Variants in RALYL observed in about 807,000 individuals in gnomAD.
The protein encoded by RALYL is RNA-binding Raly-like protein.
In RALYL, 29 loss-of-function variants were observed where a neutral mutation model predicts 35.1. The observed-to-expected ratio is 0.83, with a 90% CI of 0.61 to 1.13. The LOEUF is 1.13. RALYL is among the 50% of genes most tolerant of loss of function. RALYL has a pLI of 0.00. For missense variants in RALYL, 359 were observed against 360.4 expected (o/e 1.00, Z 0.03); for synonymous variants, 120 against 127.6 (o/e 0.94, Z 0.40).
chr8:84,838,665 C>G (rs1212300003), intron 4 of RALYL, among the ~76,000 whole-genome samples: 1 of 152,150 alleles, frequency 6.6e-6, no homozygotes, highest in Non-Finnish European at 1.5e-5. Flanking sequence ...ATAACTGGTT[C>G]TTGTAAATAC....
At chr8:84,574,116 G>T (rs1333403922) in intron 2 of RALYL, among the ~76,000 whole-genome samples, 1 of 151,936 alleles carries the variant, frequency 6.6e-6, no homozygotes, top group Non-Finnish European at 1.5e-5. Context: ...AATCTGACAA[G>T]CAACTAAAGT....
intron 2 of RALYL, among the ~76,000 whole-genome samples, chr8:84,566,219 A>C (rs1451390686): frequency 4.6e-5 from 7 of 151,690 alleles, no homozygotes; most frequent in Non-Finnish European, 7.4e-5. Flanking sequence ...TTTTAAGAGA[A>C]AATCTACAAA....
At chr8:84,327,001 G>T (rs1345148825) in intron 1 of RALYL, among the ~76,000 whole-genome samples, 2 of 152,196 alleles carry the variant, frequency 1.3e-5, no homozygotes, top group Non-Finnish European at 2.9e-5. Context: ...ATATTCATGA[G>T]ATTTCTGTGG....
At chr8:84,501,429 G>A (rs971386076) in intron 1 of RALYL, among the ~76,000 whole-genome samples, 3 of 151,946 alleles carry the variant, frequency 2.0e-5, no homozygotes, top group East Asian at 3.9e-4. Context: ...TTAATAAATA[G>A]CCAGTGTAAT....
At chr8:84,884,211 C>T (rs1030521345) in intron 7 of RALYL, among the ~76,000 whole-genome samples, 8 of 151,974 alleles carry the variant, frequency 5.3e-5, no homozygotes, top group African/African-American at 1.9e-4. Context: ...GGCAATAGCT[C>T]AACTTTCCAG....
At chr8:84,747,958 A>C (rs1563509967) in intron 2 of RALYL, among the ~76,000 whole-genome samples, 1 of 151,966 alleles carries the variant, frequency 6.6e-6, no homozygotes, top group Non-Finnish European at 1.5e-5. Context: ...TGCTTGTTCA[A>C]AAACAGAAGC....
chr8:84,774,782 T>C (rs1816436550), intron 3 of RALYL, 128 bp downstream of exon 3: 2 of 659,330 alleles, frequency 3.0e-6, no homozygotes, highest in Middle Eastern at 2.5e-4. Flanking sequence ...GTACAACAAA[T>C]GTTGTTGGTC....
chr8:84,893,872 CA>C (rs1844294040), intron 8 of RALYL, among the ~76,000 whole-genome samples: 1 of 152,188 alleles, frequency 6.6e-6, no homozygotes, highest in Non-Finnish European at 1.5e-5. Flanking sequence ...TCAAATCAGG[CA>C]AATCTAGCAA....
chr8:84,513,412 C>T (rs1319460248), intron 1 of RALYL, among the ~76,000 whole-genome samples: 1 of 151,466 alleles, frequency 6.6e-6, no homozygotes, highest in African/African-American at 2.4e-5. Flanking sequence ...GATTCTTGTT[C>T]TTATTTTTTT....
chr8:84,801,719 A>ATGAAG (rs1373326984), intron 3 of RALYL, among the ~76,000 whole-genome samples: 6 of 152,210 alleles, frequency 3.9e-5, no homozygotes, highest in Non-Finnish European at 7.4e-5. Context: ...TTTTTCTGGA[A>ATGAAG]TGAAGTGTTT....
At position 84,632,583 on chromosome 8, in the gene RALYL, C is replaced by CTGTGTGTG. The variant is rs112708469; in HGVS notation, c.256+103030_256+103037dup. Among the ~76,000 whole-genome samples the CTGTGTGTG allele has an allele frequency of 9.2e-4, 133 of 145,172 alleles. No individual in the cohort carries two copies. In the South Asian group the frequency reaches 0.015, roughly 17 times the overall value. On this transcript the variant is annotated intron_variant, in intron 2 of 8. Transcript: ENST00000521268. ...TATTTGGTTGTGACTTTATATAGAC[C>CTGTGTGTG]TGTGTGTGTGTGTGTGTGTGTGTGT... is the stretch of plus-strand genomic sequence containing the variant.
In RALYL at chr8:84,786,817, G is replaced by A. The variant is rs190000603; in HGVS notation, c.332+12163G>A. ...TGATAATAGTTGCTTTTGCTGTGCA[G>A]AAAATCTTTAGTTTTATGAGAACCC... On this transcript the variant is annotated intron_variant, in intron 3 of 8. Transcript: ENST00000521268. Among the ~76,000 whole-genome samples, 976 of 152,204 alleles carry A rather than the reference G, an allele frequency of 6.4e-3. 6 individuals are homozygous for A. Among genetic ancestry groups the A allele is most frequent in the Admixed American group, 0.014 (216 of 15,274 alleles).
At chr8:84,277,387 A>G (rs1213469383) in intron 1 of RALYL, among the ~76,000 whole-genome samples, 2 of 152,140 alleles carry the variant, frequency 1.3e-5, no homozygotes, top group African/African-American at 4.8e-5. Context: ...TGCTTCACAC[A>G]TGGGGCTTAT....
Position 84,529,454 on chromosome 8 carries a change from T to C in RALYL, c.133T>C (p.Tyr45His). 6.2e-7 allele frequency: 1 copy of C among 1,613,642 alleles called. No homozygotes were observed. The highest frequency in any genetic ancestry group is 1.3e-5 in the African/African-American group (1 of 75,014). The change falls in exon 2 of 9, where the codon TAT becomes CAT. Residue 45 changes from tyrosine to histidine, a missense_variant. By Grantham distance (83) the Tyr-to-His change is moderately conservative (BLOSUM62 2). Transcript: ENST00000521268. ...TGACATTGAAGCCATTTTTTCAAAG[T>C]ATGGAAAAATAGTTGGATGTTCCGT... Reference protein sequence around the residue: ...KVDIEAIFSKYGKIVGCSVHK... With the variant: ...KVDIEAIFSKHGKIVGCSVHK...
intron 3 of RALYL, among the ~76,000 whole-genome samples, chr8:84,794,046 G>A (rs936577601): frequency 1.3e-5 from 2 of 152,194 alleles, no homozygotes; most frequent in Admixed American, 6.5e-5. Flanking sequence ...GCTGGGACCT[G>A]ATGGGTATGA....
At chr8:84,558,085 A>T (rs1381529164) in intron 2 of RALYL, among the ~76,000 whole-genome samples, 1 of 152,188 alleles carries the variant, frequency 6.6e-6, no homozygotes, top group Non-Finnish European at 1.5e-5. Flanking sequence ...ATAGTTGCTT[A>T]AATTATAAGT....
At chr8:84,510,021 C>G (rs1177422525) in intron 1 of RALYL, among the ~76,000 whole-genome samples, 1 of 152,138 alleles carries the variant, frequency 6.6e-6, no homozygotes, top group South Asian at 2.1e-4. Flanking sequence ...AGTTAGGAAT[C>G]ATTTTGTTGA....
chr8:84,205,560 T>A (rs1817867100), intron 1 of RALYL, among the ~76,000 whole-genome samples: 1 of 152,208 alleles, frequency 6.6e-6, no homozygotes, highest in South Asian at 2.1e-4. Context: ...CTTTTCAATA[T>A]TCTTTGACTT....
At position 84,232,119 on chromosome 8, in the gene RALYL, ATGAAAAC is replaced by A. The variant is rs562503915; in HGVS notation, c.-24+47702_-24+47708del. ...TTTCGGATGAATGGGATATTTAATT[ATGAAAAC>A]TGAAAATAACCCAAAATTTGGGTGA... On this transcript the variant is annotated intron_variant, in intron 1 of 8. Coordinates refer to ENST00000521268, the MANE Select transcript of RALYL (RefSeq NM_173848.7). Among the ~76,000 whole-genome samples, 680 of 152,320 alleles carry A rather than the reference ATGAAAAC, an allele frequency of 4.5e-3. 9 individuals are homozygous for A. Among genetic ancestry groups the A allele is most frequent in the South Asian group, 0.042 (203 of 4,830 alleles).
Sources: allele counts gnomAD v4.1 joint callset (sites outside exome capture counted in the v4.1 genomes callset), GRCh38; gene constraint gnomAD v4.1.1; transcripts MANE v1.5; gene names NCBI Gene and HGNC (gene_info 2026-07-23, HGNC 2026-07-21).